PDGFD: variants seen among roughly 807,000 people sequenced by gnomAD.
The protein encoded by PDGFD is platelet-derived growth factor D.
A neutral mutation model predicts 44.7 loss-of-function variants in PDGFD; 30 were observed. The ratio of observed to expected loss-of-function variants is 0.67; its 90% CI spans 0.50 to 0.91. The LOEUF is 0.91. Ranked by LOEUF, PDGFD falls within the 40% of genes least tolerant of loss-of-function variation. PDGFD has a pLI of 0.00. For synonymous variants in PDGFD, 173 were observed against 168.4 expected, an observed-to-expected ratio of 1.03 and a Z score of -0.21; for missense variants, 445 against 457.8, an observed-to-expected ratio of 0.97 and a Z score of 0.25.
At chr11:103,978,408 A>G (rs1014850363) in intron 3 of PDGFD, among the ~76,000 whole-genome samples, 1 of 152,074 alleles carries the variant, frequency 6.6e-6, no homozygotes, top group Non-Finnish European at 1.5e-5. Flanking sequence ...CATGTAAGCT[A>G]GAATGCTGTT....
At chr11:104,043,797 G>T (rs954944839) in intron 1 of PDGFD, among the ~76,000 whole-genome samples, 1 of 152,070 alleles carries the variant, frequency 6.6e-6, no homozygotes, top group African/African-American at 2.4e-5. Context: ...TTAACAAGCA[G>T]ATCTTGCATA....
intron 1 of PDGFD, among the ~76,000 whole-genome samples, chr11:104,094,278 T>C (rs962804738): frequency 6.6e-6 from 1 of 151,922 alleles, no homozygotes; most frequent in Admixed American, 6.6e-5. Context: ...TGCTGGCCCT[T>C]CCTCCTCTAA....
intron 1 of PDGFD, among the ~76,000 whole-genome samples, chr11:104,041,519 T>G (rs151215264): frequency 8.7e-5 from 13 of 150,222 alleles, no homozygotes; most frequent in Middle Eastern, 3.4e-3. Flanking sequence ...TCATTTTCTG[T>G]TTTTTTTTCC....
intron 1 of PDGFD, among the ~76,000 whole-genome samples, chr11:104,058,262 C>T (rs1022283736): frequency 2.0e-5 from 3 of 151,994 alleles, no homozygotes; most frequent in African/African-American, 4.8e-5. Flanking sequence ...TGATAAATGT[C>T]GAAATATGTA....
chr11:104,007,775 C>A (rs944820759), intron 1 of PDGFD, among the ~76,000 whole-genome samples: 3 of 152,134 alleles, frequency 2.0e-5, no homozygotes, highest in South Asian at 4.1e-4. Flanking sequence ...GTAATGTTTG[C>A]CCAGAATGTA....
chr11:104,048,819 A>C (rs1352099960), intron 1 of PDGFD, among the ~76,000 whole-genome samples: 1 of 152,260 alleles, frequency 6.6e-6, no homozygotes, highest in African/African-American at 2.4e-5. Flanking sequence ...AGAATGACAC[A>C]CTAGTCATCT....
At chr11:103,910,286 T>C (rs1162511779) in intron 6 of PDGFD, among the ~76,000 whole-genome samples, 1 of 152,194 alleles carries the variant, frequency 6.6e-6, no homozygotes, top group Non-Finnish European at 1.5e-5. Context: ...AAGTAAAACA[T>C]GTTGCCCTGG....
intron 1 of PDGFD, among the ~76,000 whole-genome samples, chr11:104,041,671 T>C (rs1338817116): frequency 1.3e-5 from 2 of 152,198 alleles, no homozygotes; most frequent in African/African-American, 4.8e-5. Flanking sequence ...GATAGCCATG[T>C]ATTTCAAGAT....
At chr11:104,036,726 G>C in intron 1 of PDGFD, 1 of 936,602 alleles carries the variant, frequency 1.1e-6, no homozygotes, top group Non-Finnish European at 1.7e-6. Flanking sequence ...TACCTACCAA[G>C]TCCTGAGGAG....
chr11:103,970,480 T>A (rs1859087410), intron 3 of PDGFD, among the ~76,000 whole-genome samples: 1 of 152,120 alleles, frequency 6.6e-6, no homozygotes, highest in Admixed American at 6.5e-5. Flanking sequence ...CAATCGTGGA[T>A]CTGTCCAGTG....
intron 6 of PDGFD, among the ~76,000 whole-genome samples, chr11:103,912,476 G>A (rs1858043693): frequency 6.6e-6 from 1 of 152,184 alleles, no homozygotes; most frequent in Non-Finnish European, 1.5e-5. Context: ...AGCTCCTGAA[G>A]GAAGCACCAA....
At chr11:103,942,722 C>T (rs1183231664) in intron 5 of PDGFD, among the ~76,000 whole-genome samples, 1 of 152,158 alleles carries the variant, frequency 6.6e-6, no homozygotes, top group African/African-American at 2.4e-5. Flanking sequence ...CTCCTGCCAA[C>T]ACTGACATCC....
intron 1 of PDGFD, among the ~76,000 whole-genome samples, chr11:104,008,847 T>A (rs976795821): frequency 6.6e-5 from 10 of 152,070 alleles, no homozygotes; most frequent in Admixed American, 3.3e-4. Context: ...TTAAAAAACA[T>A]ACATGGATGA....
intron 5 of PDGFD, among the ~76,000 whole-genome samples, chr11:103,938,807 AG>A (rs1858534265): frequency 1.3e-5 from 2 of 152,234 alleles, no homozygotes; most frequent in African/African-American, 4.8e-5. Context: ...TTTATTAAAT[AG>A]GGAATCCTTT....
intron 1 of PDGFD, among the ~76,000 whole-genome samples, chr11:104,017,122 C>A (rs1023472082): frequency 1.3e-5 from 2 of 152,136 alleles, no homozygotes; most frequent in African/African-American, 4.8e-5. Context: ...AACTGTCTAC[C>A]ATGTGAGGAC....
chr11:104,129,409 G>T (rs1182019984), intron 1 of PDGFD, among the ~76,000 whole-genome samples: 1 of 152,044 alleles, frequency 6.6e-6, no homozygotes, highest in African/African-American at 2.4e-5. Flanking sequence ...TTCCTCCTGT[G>T]ATCATCTTGA....
intron 3 of PDGFD, among the ~76,000 whole-genome samples, chr11:103,991,925 T>C (rs1372026855): frequency 1.3e-5 from 2 of 152,342 alleles, no homozygotes; most frequent in Middle Eastern, 3.4e-3. Context: ...TTCAGTTCTC[T>C]GTACACCATC....
At chr11:104,028,141 G>C (rs1860073273) in intron 1 of PDGFD, among the ~76,000 whole-genome samples, 1 of 144,506 alleles carries the variant, frequency 6.9e-6, no homozygotes, top group Non-Finnish European at 1.5e-5. Context: ...AGTGAGCCGA[G>C]ACCGTACCAC....
At chr11:103,940,557 G>A (rs767914181) in intron 5 of PDGFD, among the ~76,000 whole-genome samples, 1 of 152,046 alleles carries the variant, frequency 6.6e-6, no homozygotes, top group Non-Finnish European at 1.5e-5. Context: ...TGTTTTCACT[G>A]TTTATTCACT....
Sources: allele counts gnomAD v4.1 joint callset (sites outside exome capture counted in the v4.1 genomes callset), GRCh38; gene constraint gnomAD v4.1.1; transcripts MANE v1.5; gene names NCBI Gene and HGNC (gene_info 2026-07-23, HGNC 2026-07-21).